Variants in CHD9 observed in about 807,000 individuals in gnomAD.
CHD9 encodes chromodomain helicase DNA binding protein 9, also known as ATP-dependent chromatin remodeler CHD9.
Under a neutral mutation model 316.1 loss-of-function variants are expected in CHD9, and 77 were observed. The ratio of observed to expected loss-of-function variants is 0.24; its 90% CI spans 0.20 to 0.29. The LOEUF (loss-of-function observed/expected upper bound fraction) is 0.29. Ranked by LOEUF, CHD9 falls within the 10% of genes least tolerant of loss-of-function variation. The pLI, the probability that CHD9 is intolerant of heterozygous loss-of-function variation, is 1.00. For synonymous variants in CHD9, 1,129 were observed against 1,158.3 expected (o/e 0.97, Z 0.51); for missense variants, 2,763 against 3,438.1 (o/e 0.80, Z 4.91).
chr16:53,139,234 G>C (rs768078721), intron 1 of CHD9, among the ~76,000 whole-genome samples: 4 of 152,134 alleles, frequency 2.6e-5, no homozygotes, highest in African/African-American at 4.8e-5. Context: ...AGTTAGGAGT[G>C]AAGGCTTGAG....
chr16:53,141,443 G>A (rs1300863938), intron 1 of CHD9, among the ~76,000 whole-genome samples: 1 of 152,174 alleles, frequency 6.6e-6, no homozygotes, highest in Non-Finnish European at 1.5e-5. Flanking sequence ...TAAAAAAATT[G>A]TAAAAATATC....
chr16:53,303,975 C>G lies in CHD9; in HGVS notation c.5969C>G (p.Pro1990Arg). Residue 1990 changes from proline to arginine, a missense_variant, in exon 31 of 39, where the codon CCT (proline) becomes CGT (arginine). Coordinates refer to ENST00000447540, the MANE Select transcript of CHD9 (RefSeq NM_001308319.2). ...ACAGACTATCACATTCTTCGTGATC[C>G]TGAACTCTCATTTATGGCAGCTCAG... ...SRTDYHILRD[P>R]ELSFMAAQRN... is the part of the protein sequence containing the mutation. 1 of 1,614,020 alleles carries G rather than the reference C, an allele frequency of 6.2e-7. No individual in the cohort carries two copies. Among genetic ancestry groups the G allele is most frequent in the Non-Finnish European group, 8.5e-7 (1 of 1,179,892 alleles).
At chr16:53,217,897 G>T (rs898003480) in intron 3 of CHD9, among the ~76,000 whole-genome samples, 1 of 150,086 alleles carries the variant, frequency 6.7e-6, no homozygotes, top group Non-Finnish European at 1.5e-5. Flanking sequence ...ATACCACTGC[G>T]CCTGGCTTAT....
chr16:53,229,958 A>ATGTG (rs138544805), intron 8 of CHD9, among the ~76,000 whole-genome samples: 1 of 151,738 alleles, frequency 6.6e-6, no homozygotes, highest in African/African-American at 2.4e-5. Flanking sequence ...GTGCATGTGT[A>ATGTG]TGTGTGTGTG....
At chr16:53,240,346 T>C (rs2048986130) in intron 12 of CHD9, among the ~76,000 whole-genome samples, 1 of 152,206 alleles carries the variant, frequency 6.6e-6, no homozygotes, top group Non-Finnish European at 1.5e-5. Context: ...TTTAACAAAG[T>C]TACAATTTTA....
At chr16:53,254,108 C>T (rs1351126771) in intron 17 of CHD9, among the ~76,000 whole-genome samples, 2 of 152,004 alleles carry the variant, frequency 1.3e-5, no homozygotes, top group Non-Finnish European at 2.9e-5. Flanking sequence ...ACCCAGGAGG[C>T]GGAGGTTGCA....
In CHD9 at chr16:53,226,321, C is replaced by T. The variant is rs765024417; in HGVS notation, c.1897-45C>T. ...GGGGTAATTATTTTCAAAAACTTTTCTTCAAAATAAATTATATAAATCTGA... is the reference window on the plus strand; with the variant it reads ...GGGGTAATTATTTTCAAAAACTTTTTTTCAAAATAAATTATATAAATCTGA... On this transcript the variant is annotated intron_variant, in intron 4 of 38. Transcript: ENST00000447540. 1.0e-5 allele frequency: 14 copies of T among 1,372,588 alleles called. No individual in the cohort carries two copies. In the African/African-American group the frequency reaches 2.1e-4, roughly 21 times the overall value. 85.0% of individuals were successfully genotyped at this position (1,372,588 alleles called of 1,614,324 possible).
intron 30 of CHD9, among the ~76,000 whole-genome samples, chr16:53,301,302 T>A (rs1363237513): frequency 6.6e-6 from 1 of 152,158 alleles, no homozygotes; most frequent in Non-Finnish European, 1.5e-5. Context: ...GTGAGTGAGG[T>A]TGAGGTTCTA....
chr16:53,318,909 CT>C (rs1567685261), intron 37 of CHD9, among the ~76,000 whole-genome samples: 1 of 152,178 alleles, frequency 6.6e-6, no homozygotes. Flanking sequence ...CTTAACATGT[CT>C]TTTTCTATCA....
intron 3 of CHD9, among the ~76,000 whole-genome samples, chr16:53,220,604 T>A (rs1279063126): frequency 1.3e-5 from 2 of 152,220 alleles, no homozygotes; most frequent in Non-Finnish European, 2.9e-5. Context: ...TTATTTTTTT[T>A]ATTTATTCAA....
At chr16:53,125,990 G>C (rs746076139) in intron 1 of CHD9, among the ~76,000 whole-genome samples, 3 of 152,136 alleles carry the variant, frequency 2.0e-5, no homozygotes, top group Non-Finnish European at 4.4e-5. Flanking sequence ...CACTGAAAAG[G>C]TTTTCTATTT....
intron 1 of CHD9, among the ~76,000 whole-genome samples, chr16:53,078,844 T>C (rs990070375): frequency 1.3e-5 from 2 of 152,196 alleles, no homozygotes; most frequent in Non-Finnish European, 2.9e-5. Context: ...GATAACATTG[T>C]GCTTTGCCAA....
chr16:53,304,285 A>G lies in CHD9; in HGVS notation c.6279A>G (p.Lys2093=). Residue 2093 remains lysine, a synonymous_variant, in exon 31 of 39, where the codon AAA becomes AAG. Coordinates refer to ENST00000447540, the MANE Select transcript of CHD9 (RefSeq NM_001308319.2). The part of the protein sequence containing the change: ...GVLPQATGDQ[K]SGGKCETDRR... ...TACCACAGGCTACTGGAGACCAGAAATCTGGTGGAAAATGTGAAACAGACA... is the reference window on the plus strand; with the variant it reads ...TACCACAGGCTACTGGAGACCAGAAGTCTGGTGGAAAATGTGAAACAGACA... The G allele has an allele frequency of 6.2e-7, 1 of 1,611,796 alleles. No homozygotes were observed. The highest frequency in any genetic ancestry group is 8.5e-7 in the Non-Finnish European group (1 of 1,179,674).
rs2046174621 is a variant in CHD9, at chr16:53,209,675, T to C, written c.1646T>C (p.Met549Thr). The stretch of plus-strand genomic sequence containing the variant: ...GGGGAACGCAATATTCCACGAGTAA[T>C]GAGCCCTGAAAACTTTCCTACTGCT... ...ERGERNIPRV[M>T]SPENFPTASV... The change falls in exon 3 of 39, where the codon ATG (methionine) becomes ACG (threonine). Residue 549 changes from methionine (M) to threonine (T), a missense_variant. This residue lies in a region of CHD9 where 859 missense variants were observed against 890.4 expected (regional missense o/e 0.96). Transcript: ENST00000447540. 6.2e-7 allele frequency: 1 copy of C among 1,613,666 alleles called. No homozygotes were observed. The highest frequency in any genetic ancestry group is 8.5e-7 in the Non-Finnish European group (1 of 1,179,836).
chr16:53,102,912 C>T (rs2037009373), intron 1 of CHD9, among the ~76,000 whole-genome samples: 1 of 152,048 alleles, frequency 6.6e-6, no homozygotes, highest in Non-Finnish European at 1.5e-5. Context: ...TTGGCGCAGT[C>T]TCGGCTCACT....
chr16:53,161,651 T>TA (rs2041920677), intron 2 of CHD9, among the ~76,000 whole-genome samples: 2 of 152,264 alleles, frequency 1.3e-5, no homozygotes, highest in Non-Finnish European at 2.9e-5. Flanking sequence ...AGACATTCTT[T>TA]AACCTACTGT....
chr16:53,229,652 A>G (rs2048001376), intron 8 of CHD9, among the ~76,000 whole-genome samples: 3 of 152,204 alleles, frequency 2.0e-5, no homozygotes, highest in Admixed American at 2.0e-4. Flanking sequence ...AAATAGTCAC[A>G]AAAATAGTAC....
At chr16:53,237,271 CCTCTTAGTTTCTCCT>C (rs1246037360) in intron 11 of CHD9, among the ~76,000 whole-genome samples, 1 of 152,016 alleles carries the variant, frequency 6.6e-6, no homozygotes, top group Admixed American at 6.6e-5. Flanking sequence ...AAAGTTCTCT[CCTCTTAGTTTCTCCT>C]CTCTTAGACC....
chr16:53,277,012 T>C (rs1256543070), intron 24 of CHD9, among the ~76,000 whole-genome samples: 1 of 152,096 alleles, frequency 6.6e-6, no homozygotes. Context: ...CTAGAGGAGA[T>C]GCATGAATTT....
Sources: gnomAD v4.1 joint callset for allele counts (sites outside exome capture counted in the v4.1 genomes callset) on GRCh38, gnomAD v4.1.1 for gene constraint, gnomAD v4.1.1 regional missense constraint, MANE v1.5 for transcripts, NCBI Gene and HGNC (gene_info 2026-07-23, HGNC 2026-07-21) for gene names.